The following SH3KBP1 variants were observed in gnomAD, a reference collection of about 807,000 sequenced individuals.
SH3KBP1 encodes SH3 domain-containing kinase-binding protein 1.
A neutral mutation model predicts 50.1 loss-of-function variants in SH3KBP1; 8 were observed. That is an observed-to-expected ratio of 0.16 (90% CI 0.09 to 0.29). The LOEUF (loss-of-function observed/expected upper bound fraction) is 0.29, where lower values mean the gene tolerates loss of function less well. SH3KBP1 is among the 10% of genes least tolerant of loss of function. The pLI is 1.00. For missense variants in SH3KBP1, 377 were observed against 535.2 expected (o/e 0.70, Z 2.92); for synonymous variants, 227 against 218.6 (o/e 1.04, Z -0.34).
intron 8 of SH3KBP1, among the ~76,000 whole-genome samples, chrX:19,612,048 G>T (rs886565652): frequency 9.1e-6 from 1 of 109,424 alleles, no homozygotes; most frequent in Admixed American, 9.8e-5. Flanking sequence ...GATGCCTGGA[G>T]TGGGATAGAG....
chrX:19,591,497 G>A (rs962290785), intron 11 of SH3KBP1, among the ~76,000 whole-genome samples: 3 of 111,336 alleles, frequency 2.7e-5, no homozygotes, highest in Non-Finnish European at 5.7e-5. Flanking sequence ...TTCAGGAGAC[G>A]CTGGGGACCA....
chrX:19,833,529 G>GTCCTCCTCTCTCTTTCCCATGA (rs2067974658), intron 2 of SH3KBP1, among the ~76,000 whole-genome samples: 1 of 95,440 alleles, frequency 1.0e-5, no homozygotes. Flanking sequence ...CCTTCCCAGG[G>GTCCTCCTCTCTCTTTCCCATGA]TCCTCCTCTC....
intron 1 of SH3KBP1, among the ~76,000 whole-genome samples, chrX:19,874,048 C>CAAAAAAA (rs55948760): frequency 1.1e-4 from 3 of 26,290 alleles, no homozygotes; most frequent in African/African-American, 5.1e-4. Flanking sequence ...GAGTCCATCT[C>CAAAAAAA]AAAAAAAAAA....
intron 2 of SH3KBP1, among the ~76,000 whole-genome samples, chrX:19,759,545 T>C (rs1242581101): frequency 8.9e-6 from 1 of 112,110 alleles, no homozygotes; most frequent in Admixed American, 9.5e-5. Flanking sequence ...GAATAAATTA[T>C]TCCAAGCCCG....
At chrX:19,851,956 G>A (rs1015504868) in intron 1 of SH3KBP1, among the ~76,000 whole-genome samples, 11 of 111,610 alleles carry the variant, frequency 9.9e-5, no homozygotes, top group African/African-American at 3.6e-4. Flanking sequence ...AACATCTCCT[G>A]TCCCTTGAGC....
At chrX:19,795,804 C>T (rs1032021740) in intron 2 of SH3KBP1, among the ~76,000 whole-genome samples, 2 of 111,931 alleles carry the variant, frequency 1.8e-5, no homozygotes, top group African/African-American at 6.5e-5. Context: ...GTTTTGATCT[C>T]GTGCTAATTA....
chrX:19,644,952 T>A (rs753464301), intron 7 of SH3KBP1, among the ~76,000 whole-genome samples: 1 of 111,657 alleles, frequency 9.0e-6, no homozygotes, highest in African/African-American at 3.3e-5. Flanking sequence ...TCTGGAGATA[T>A]TCAAGCAGAG....
At chrX:19,852,636 G>GAAAAAAAAAAAAAAAAAAAA (rs760707711) in intron 1 of SH3KBP1, among the ~76,000 whole-genome samples, 2 of 51,939 alleles carry the variant, frequency 3.9e-5, no homozygotes, top group African/African-American at 1.3e-4. Flanking sequence ...TAGCTGCACA[G>GAAAAAAAAAAAAAAAAAAAA]AAAAAAAAAA....
chrX:19,617,511 T>G (rs142000302), intron 8 of SH3KBP1, among the ~76,000 whole-genome samples: 1,519 of 112,545 alleles, frequency 0.013, 25 homozygotes, highest in African/African-American at 0.047. Flanking sequence ...ATGTGTGAAA[T>G]GAAGACACAT....
intron 6 of SH3KBP1, among the ~76,000 whole-genome samples, chrX:19,670,033 C>T (rs1448050502): frequency 9.1e-6 from 1 of 110,052 alleles, no homozygotes. Flanking sequence ...AGACATATGA[C>T]ACACTGTAAG....
intron 2 of SH3KBP1, among the ~76,000 whole-genome samples, chrX:19,774,966 G>A (rs914320035): frequency 5.4e-5 from 6 of 110,805 alleles, no homozygotes; most frequent in Admixed American, 2.9e-4. Context: ...TGAGGGGAGC[G>A]CATTGGTCCC....
chrX:19,790,393 G>A (rs2066495030), intron 2 of SH3KBP1, among the ~76,000 whole-genome samples: 1 of 111,462 alleles, frequency 9.0e-6, no homozygotes, highest in South Asian at 3.8e-4. Context: ...ACCGTTCTGG[G>A]GGCCTACAAG....
chrX:19,671,801 G>C (rs1028542617), intron 6 of SH3KBP1, among the ~76,000 whole-genome samples: 6 of 111,986 alleles, frequency 5.4e-5, no homozygotes, highest in African/African-American at 1.9e-4. Flanking sequence ...AAAGTGCTTG[G>C]CACACAGTAA....
chrX:19,847,681 A>G (rs2068401118), intron 1 of SH3KBP1, among the ~76,000 whole-genome samples: 1 of 112,258 alleles, frequency 8.9e-6, no homozygotes, highest in Non-Finnish European at 1.9e-5. Context: ...AGTTTCACCA[A>G]TGATGTCACA....
At chrX:19,591,373 T>C (rs1481160801) in intron 11 of SH3KBP1, among the ~76,000 whole-genome samples, 1 of 111,831 alleles carries the variant, frequency 8.9e-6, no homozygotes, top group Non-Finnish European at 1.9e-5. Context: ...CCTTCTACAG[T>C]ATGCAGAATT....
At chrX:19,611,956 G>GAAA (rs3036638) in intron 8 of SH3KBP1, among the ~76,000 whole-genome samples, 1,334 of 36,031 alleles carry the variant, frequency 0.037, 32 homozygotes, top group Non-Finnish European at 0.041. Flanking sequence ...AGCAGAAGTA[G>GAAA]AAAAAAAAAA....
chrX:19,641,121 C>A (rs2061845986), intron 7 of SH3KBP1, among the ~76,000 whole-genome samples: 1 of 111,511 alleles, frequency 9.0e-6, no homozygotes, highest in Non-Finnish European at 1.9e-5. Flanking sequence ...ATTATTTGTT[C>A]AAGACGCCAA....
chrX:19,875,047 A>T (rs1256628703), intron 1 of SH3KBP1, among the ~76,000 whole-genome samples: 1 of 110,947 alleles, frequency 9.0e-6, no homozygotes, highest in African/African-American at 3.3e-5. Context: ...TCTGGAGCGC[A>T]TCTCTACCTC....
rs898332936 is a variant in SH3KBP1 at position 19,831,674 on chromosome X, A to C, written c.162+4451T>G. Among the ~76,000 whole-genome samples, 9 of 105,228 alleles carry C rather than the reference A, an allele frequency of 8.6e-5. No individual in the cohort carries two copies. The East Asian group carries it at 1.5e-3, about 18-fold the overall frequency. The allele number at this position is 105,228 out of a possible 115,157, so 91.4% of individuals were successfully genotyped here. ...GGCGTGGTGGCACATGCCTGTAATCACAGCTACTCGGGAGGCTGAGGCAGG... is the reference window on the plus strand; with the variant it reads ...GGCGTGGTGGCACATGCCTGTAATCCCAGCTACTCGGGAGGCTGAGGCAGG... On this transcript the variant is annotated intron_variant, in intron 2 of 17. Transcript: ENST00000397821.
Sources: gnomAD v4.1 joint callset for allele counts (sites outside exome capture counted in the v4.1 genomes callset) on GRCh38, gnomAD v4.1.1 for gene constraint, MANE v1.5 for transcripts, NCBI Gene and HGNC (gene_info 2026-07-23, HGNC 2026-07-21) for gene names.